The following CDH8 variants were observed in gnomAD, a reference collection of about 807,000 sequenced individuals.
CDH8 encodes cadherin 8, also known as cadherin-8.
CDH8 carries 17 observed loss-of-function variants against 68.1 expected under a neutral mutation model. That is an observed-to-expected ratio of 0.25 (90% CI 0.17 to 0.37). CDH8 has a LOEUF of 0.37. Among genes scored for constraint, CDH8 ranks in the 10% least tolerant of loss-of-function variants. The pLI is 1.00. For synonymous variants in CDH8, 372 were observed against 365.1 expected (o/e 1.02, Z -0.21); for missense variants, 763 against 999.3 (o/e 0.76, Z 3.19).
Position 61,959,598 on chromosome 16 carries a change from G to GTA in CDH8, c.253-58127_253-58126dup, listed in dbSNP as rs149976578. 8.8e-3 allele frequency among the ~76,000 whole-genome samples: 1,312 copies of GTA among 148,500 alleles called. 14 individuals carry two copies. The highest frequency in any genetic ancestry group is 9.7e-3 in the Non-Finnish European group (650 of 67,072). On this transcript the variant is annotated intron_variant, in intron 2 of 11. Coordinates refer to ENST00000577390, the MANE Select transcript of CDH8 (RefSeq NM_001796.5). Reference sequence around the variant, plus strand: ...TGTATATAGAGAGATGTGTGTGTGTGTATATATATATATACGCATACATAT... The same window carrying GTA: ...TGTATATAGAGAGATGTGTGTGTGTGTATATATATATATATACGCATACATAT...
intron 2 of CDH8, among the ~76,000 whole-genome samples, chr16:61,904,454 T>C: frequency 6.6e-6 from 1 of 152,138 alleles, no homozygotes; most frequent in Non-Finnish European, 1.5e-5. Flanking sequence ...GGATCCCCAA[T>C]TTCTAGGCCA....
chr16:61,686,892 A>T (rs1964120794), intron 10 of CDH8, among the ~76,000 whole-genome samples: 1 of 151,932 alleles, frequency 6.6e-6, no homozygotes, highest in African/African-American at 2.4e-5. Flanking sequence ...CTTAAAAAGT[A>T]GCTTTTGAAA....
intron 8 of CDH8, among the ~76,000 whole-genome samples, chr16:61,730,395 T>C (rs1959501353): frequency 6.6e-6 from 1 of 151,488 alleles, no homozygotes; most frequent in South Asian, 2.1e-4. Flanking sequence ...GAATGATATA[T>C]AATGTTTTTT....
chr16:61,752,060 G>C (rs1248084892), intron 8 of CDH8, among the ~76,000 whole-genome samples: 1 of 152,050 alleles, frequency 6.6e-6, no homozygotes, highest in East Asian at 1.9e-4. Context: ...CTACTCAGGG[G>C]GAAGAGTTCA....
intron 2 of CDH8, among the ~76,000 whole-genome samples, chr16:61,905,655 C>T (rs1964048733): frequency 6.6e-6 from 1 of 151,942 alleles, no homozygotes; most frequent in Non-Finnish European, 1.5e-5. Flanking sequence ...GAGTTCATTT[C>T]TGGATTCAAA....
chr16:61,731,084 G>A (rs566982829), intron 8 of CDH8, among the ~76,000 whole-genome samples: 106 of 151,700 alleles, frequency 7.0e-4, no homozygotes, highest in African/African-American at 2.4e-3. Context: ...CAAAGCCATG[G>A]CTCAAAGATT....
intron 2 of CDH8, among the ~76,000 whole-genome samples, chr16:61,951,472 C>T (rs1307948318): frequency 1.4e-5 from 2 of 144,984 alleles, no homozygotes; most frequent in Non-Finnish European, 1.5e-5. Flanking sequence ...GAGATCATGC[C>T]ACTGCACTCC....
intron 3 of CDH8, among the ~76,000 whole-genome samples, chr16:61,895,505 G>A (rs976457113): frequency 6.6e-5 from 10 of 152,038 alleles, no homozygotes; most frequent in Admixed American, 2.6e-4. Context: ...TTCTCAATAC[G>A]TATTGGTCAT....
intron 2 of CDH8, among the ~76,000 whole-genome samples, chr16:61,985,855 C>T (rs935189542): frequency 6.6e-6 from 1 of 151,202 alleles, no homozygotes; most frequent in African/African-American, 2.4e-5. Flanking sequence ...CATTACCCAA[C>T]ATTTGGATAT....
chr16:61,886,849 G>A (rs1198417972), intron 3 of CDH8, among the ~76,000 whole-genome samples: 1 of 152,074 alleles, frequency 6.6e-6, no homozygotes, highest in East Asian at 1.9e-4. Flanking sequence ...AACTAGATTT[G>A]GTGGAATGTC....
intron 3 of CDH8, among the ~76,000 whole-genome samples, chr16:61,893,290 CAATTTA>C (rs1324059927): frequency 1.3e-5 from 2 of 152,114 alleles, no homozygotes; most frequent in African/African-American, 4.8e-5. Flanking sequence ...AGTGTGACCT[CAATTTA>C]ACTAATGACA....
At chr16:61,755,913 C>T (rs1265544626) in intron 8 of CDH8, among the ~76,000 whole-genome samples, 1 of 152,126 alleles carries the variant, frequency 6.6e-6, no homozygotes, top group South Asian at 2.1e-4. Flanking sequence ...CTCTGCCTCG[C>T]TGGTTCAAGC....
chr16:61,826,596 T>C (rs1254118795), intron 4 of CDH8, among the ~76,000 whole-genome samples: 1 of 151,866 alleles, frequency 6.6e-6, no homozygotes, highest in African/African-American at 2.4e-5. Flanking sequence ...TCAATTCAAA[T>C]TGAAGCTGAG....
chr16:61,696,710 G>A (rs1964334069), intron 10 of CDH8, among the ~76,000 whole-genome samples: 1 of 152,146 alleles, frequency 6.6e-6, no homozygotes, highest in South Asian at 2.1e-4. Context: ...AGCAATGATA[G>A]ACTAGGTAAA....
intron 8 of CDH8, among the ~76,000 whole-genome samples, chr16:61,784,036 C>T (rs1961163455): frequency 6.6e-6 from 1 of 151,912 alleles, no homozygotes; most frequent in African/African-American, 2.4e-5. Context: ...AACTAACGAG[C>T]AAAATCACCA....
At chr16:61,922,722 G>A (rs1964391124) in intron 2 of CDH8, among the ~76,000 whole-genome samples, 1 of 152,084 alleles carries the variant, frequency 6.6e-6, no homozygotes, top group Non-Finnish European at 1.5e-5. Flanking sequence ...GCTATGTCCA[G>A]GTTTTTGATC....
At chr16:62,001,511 A>G (rs1421517672) in intron 2 of CDH8, among the ~76,000 whole-genome samples, 2 of 152,152 alleles carry the variant, frequency 1.3e-5, no homozygotes, top group South Asian at 2.1e-4. Flanking sequence ...GTAAATACAC[A>G]AGCTATACAT....
chr16:61,681,856 G>A (rs953246853), intron 10 of CDH8, among the ~76,000 whole-genome samples: 1 of 151,838 alleles, frequency 6.6e-6, no homozygotes, highest in African/African-American at 2.4e-5. Flanking sequence ...GCAATACTGT[G>A]CACGAGTTGA....
At chr16:61,702,233 G>C (rs1964443680) in intron 10 of CDH8, among the ~76,000 whole-genome samples, 2 of 152,166 alleles carry the variant, frequency 1.3e-5, no homozygotes, top group African/African-American at 4.8e-5. Context: ...TTAGCCGGGA[G>C]TGGCGGCGGG....
Sources: gnomAD v4.1 joint callset for allele counts (sites outside exome capture counted in the v4.1 genomes callset) on GRCh38, gnomAD v4.1.1 for gene constraint, MANE v1.5 for transcripts, NCBI Gene and HGNC (gene_info 2026-07-23, HGNC 2026-07-21) for gene names.